NEK1: variants seen among roughly 807,000 people sequenced by gnomAD.
NEK1 encodes serine/threonine-protein kinase Nek1.
A neutral mutation model predicts 182.1 loss-of-function variants in NEK1; 137 were observed. The ratio of observed to expected loss-of-function variants is 0.75; its 90% CI spans 0.65 to 0.87. NEK1 has a LOEUF of 0.87. Ranked by LOEUF, NEK1 falls within the 40% of genes least tolerant of loss-of-function variation. NEK1 has a pLI of 0.00. For synonymous variants in NEK1, 513 were observed against 492.2 expected (o/e 1.04, Z -0.56); for missense variants, 1,391 against 1,494.4 (o/e 0.93, Z 1.14).
chr4:169,472,130 T>C (rs1446798425), intron 26 of NEK1, among the ~76,000 whole-genome samples: 2 of 151,962 alleles, frequency 1.3e-5, no homozygotes, highest in African/African-American at 4.8e-5. Context: ...CAGTTCTGTC[T>C]TGCTGGCATT....
chr4:169,524,053 C>T (rs1756509820), intron 19 of NEK1, among the ~76,000 whole-genome samples: 1 of 152,000 alleles, frequency 6.6e-6, no homozygotes, highest in Middle Eastern at 3.2e-3. Flanking sequence ...CAGAAGATAA[C>T]CAAGAAAAAC....
At chr4:169,475,019 C>T (rs1482682731) in intron 26 of NEK1, among the ~76,000 whole-genome samples, 1 of 152,020 alleles carries the variant, frequency 6.6e-6, no homozygotes, top group Non-Finnish European at 1.5e-5. Flanking sequence ...GAACATGGGT[C>T]CCTGAGAGAG....
chr4:169,551,396 C>G (rs1761406230), intron 18 of NEK1, among the ~76,000 whole-genome samples: 1 of 151,568 alleles, frequency 6.6e-6, no homozygotes, highest in Non-Finnish European at 1.5e-5. Flanking sequence ...TATTTCAAGG[C>G]AATAATAAAA....
At chr4:169,490,418 A>C (rs1749845487) in intron 23 of NEK1, among the ~76,000 whole-genome samples, 1 of 152,172 alleles carries the variant, frequency 6.6e-6, no homozygotes, top group Non-Finnish European at 1.5e-5. Flanking sequence ...GGACACAAGA[A>C]ACATGAAAAA....
chr4:169,607,728 G>A (rs1254363250), intron 2 of NEK1, among the ~76,000 whole-genome samples: 1 of 152,088 alleles, frequency 6.6e-6, no homozygotes, highest in Non-Finnish European at 1.5e-5. Context: ...CTCCCAAAGT[G>A]CTGGGATGAC....
At chr4:169,522,403 G>A (rs2149754400) in intron 19 of NEK1, among the ~76,000 whole-genome samples, 1 of 152,274 alleles carries the variant, frequency 6.6e-6, no homozygotes, top group East Asian at 1.9e-4. Flanking sequence ...CACAAATTGT[G>A]TTTTTGCTGC....
chr4:169,588,936 T>C (rs1266413638), intron 7 of NEK1, among the ~76,000 whole-genome samples: 1 of 152,148 alleles, frequency 6.6e-6, no homozygotes, highest in African/African-American at 2.4e-5. Flanking sequence ...AAATTTAGTA[T>C]AGCCGAAGTG....
At chr4:169,405,151 T>C (rs954970258) in intron 32 of NEK1, among the ~76,000 whole-genome samples, 1 of 152,234 alleles carries the variant, frequency 6.6e-6, no homozygotes, top group African/African-American at 2.4e-5. Context: ...TGCATTGTTA[T>C]AGCCAATTTC....
At position 169,438,148 on chromosome 4, in the gene NEK1, G is replaced by C. The variant is rs1195089162; in HGVS notation, c.2699C>G (p.Thr900Arg). 6.2e-7 allele frequency: 1 copy of C among 1,610,918 alleles called. No homozygotes were observed. The stretch of plus-strand genomic sequence containing the variant: ...TGCCTCACTGAACTCGGGACTTTTT[G>C]TCTCAACAGGAGAATCAACAATAGC... ...PSAIVDSPVE[T>R]KSPEFSEASP... The change falls in exon 28 of 36, where the codon ACA (threonine) becomes AGA (arginine). Residue 900 changes from threonine to arginine, a missense_variant. Coordinates refer to ENST00000507142, the MANE Select transcript of NEK1 (RefSeq NM_001199397.3).
At chr4:169,504,962 C>A (rs942971379) in intron 23 of NEK1, among the ~76,000 whole-genome samples, 3 of 151,992 alleles carry the variant, frequency 2.0e-5, no homozygotes, top group Admixed American at 2.0e-4. Flanking sequence ...GCATTTATGC[C>A]TGTATTAAAA....
Position 169,587,400 on chromosome 4 carries a change from G to A in NEK1, c.606+159C>T, listed in dbSNP as rs115529181. 0.012 allele frequency among the ~76,000 whole-genome samples: 1,817 copies of A among 151,796 alleles called. 32 individuals carry two copies. Among genetic ancestry groups the A allele is most frequent in the African/African-American group, 0.041 (1,703 of 41,476 alleles). On this transcript the variant is annotated intron_variant, in intron 9 of 35. Transcript: ENST00000507142. ...ATATGCATATATACAAAGGGAAATCGATTTATACTTCAGAAAAAATGAGAA... is the reference window on the plus strand; with the variant it reads ...ATATGCATATATACAAAGGGAAATCAATTTATACTTCAGAAAAAATGAGAA...
chr4:169,397,182 C>T (rs1419308020), intron 35 of NEK1, among the ~76,000 whole-genome samples: 1 of 151,916 alleles, frequency 6.6e-6, no homozygotes, highest in Non-Finnish European at 1.5e-5. Flanking sequence ...TGAGATCATG[C>T]CACTGCACTC....
At chr4:169,409,177 G>C (rs1199792571) in intron 31 of NEK1, among the ~76,000 whole-genome samples, 1 of 150,896 alleles carries the variant, frequency 6.6e-6, no homozygotes, top group Non-Finnish European at 1.5e-5. Context: ...ACAGAGTCTT[G>C]CTCTGTCCCC....
chr4:169,455,183 TG>T (rs774924628), intron 27 of NEK1, among the ~76,000 whole-genome samples: 4 of 152,088 alleles, frequency 2.6e-5, no homozygotes, highest in Non-Finnish European at 5.9e-5. Flanking sequence ...GTTGGGGGGT[TG>T]GGGCCTGGCA....
rs749461218 is a variant in NEK1, at chr4:169,508,259, G to A, written c.1822C>T (p.Arg608Cys). The A allele has an allele frequency of 2.5e-6, 4 of 1,587,980 alleles. No homozygotes were observed. The highest frequency in any genetic ancestry group is 1.2e-5 in the South Asian group (1 of 85,376). Reference sequence around the variant, plus strand: ...GCTTTTCAACCTACCTTTTCACCACGAAGTTTGGCTTTAATCTGTTGGCGC... The same window carrying A: ...GCTTTTCAACCTACCTTTTCACCACAAAGTTTGGCTTTAATCTGTTGGCGC... ...NERQQIKAKL[R>C]GEKKEANHSE... Residue 608 changes from arginine (R) to cysteine (C), a missense_variant, in exon 21 of 36, where the codon CGT becomes TGT. Around this residue, in one of 5 missense-constraint regions of NEK1, gnomAD observed 1,216 missense variants for 1,277.6 expected, o/e 0.95. Transcript: ENST00000507142.
At chr4:169,588,947 TAC>T (rs1412915312) in intron 7 of NEK1, among the ~76,000 whole-genome samples, 2 of 152,146 alleles carry the variant, frequency 1.3e-5, no homozygotes, top group Non-Finnish European at 2.9e-5. Context: ...AGCCGAAGTG[TAC>T]AGTGTTTATA....
intron 26 of NEK1, among the ~76,000 whole-genome samples, chr4:169,473,246 G>GAAA (rs111395147): frequency 1.5e-5 from 2 of 129,288 alleles, no homozygotes; most frequent in Non-Finnish European, 3.4e-5. Flanking sequence ...AGCCTGTCTT[G>GAAA]AAAAAAAAAA....
At chr4:169,394,981 A>T (rs1426061480) in intron 35 of NEK1, among the ~76,000 whole-genome samples, 1 of 152,208 alleles carries the variant, frequency 6.6e-6, no homozygotes, top group East Asian at 1.9e-4. Flanking sequence ...TAAAAATTTG[A>T]CAATAAAATG....
chr4:169,430,528 C>A (rs776466104), intron 29 of NEK1, among the ~76,000 whole-genome samples: 2 of 152,222 alleles, frequency 1.3e-5, no homozygotes, highest in South Asian at 4.2e-4. Flanking sequence ...TACTATATAA[C>A]TAGATGACAT....
Sources: allele counts gnomAD v4.1 joint callset (sites outside exome capture counted in the v4.1 genomes callset), GRCh38; gene constraint gnomAD v4.1.1; regional missense constraint gnomAD v4.1.1; transcripts MANE v1.5; gene names NCBI Gene and HGNC (gene_info 2026-07-23, HGNC 2026-07-21).